The following OXCT1 variants were observed in gnomAD, a reference collection of about 807,000 sequenced individuals.
OXCT1 encodes the protein 3-oxoacid CoA-transferase 1, also known as succinyl-CoA:3-ketoacid coenzyme A transferase 1, mitochondrial.
OXCT1 carries 27 observed loss-of-function variants against 69.6 expected under a neutral mutation model. The ratio of observed to expected loss-of-function variants is 0.39; its 90% CI spans 0.29 to 0.54. The LOEUF (loss-of-function observed/expected upper bound fraction) is 0.54. OXCT1 is among the 20% of genes least tolerant of loss of function. The pLI, the probability that OXCT1 is intolerant of heterozygous loss-of-function variation, is 0.72. For synonymous variants in OXCT1, 202 were observed against 217.8 expected, an observed-to-expected ratio of 0.93 and a Z score of 0.64; for missense variants, 437 against 650.2, an observed-to-expected ratio of 0.67 and a Z score of 3.57.
intron 8 of OXCT1, among the ~76,000 whole-genome samples, chr5:41,806,609 T>C (rs1357141305): frequency 6.6e-6 from 1 of 152,080 alleles, no homozygotes; most frequent in Non-Finnish European, 1.5e-5. Context: ...TAAAGGAGCC[T>C]GGCACCTTCT....
intron 2 of OXCT1, among the ~76,000 whole-genome samples, chr5:41,861,628 A>G (rs1175959962): frequency 6.6e-6 from 1 of 152,182 alleles, no homozygotes; most frequent in Non-Finnish European, 1.5e-5. Flanking sequence ...TTTGAACCAC[A>G]AGTATAAGCC....
chr5:41,852,423 C>T (rs552793355), intron 4 of OXCT1, among the ~76,000 whole-genome samples: 1 of 152,146 alleles, frequency 6.6e-6, no homozygotes, highest in Non-Finnish European at 1.5e-5. Flanking sequence ...TTGGCAAAGT[C>T]AGTAGCAATA....
chr5:41,756,055 TA>T (rs1217041086), intron 14 of OXCT1, among the ~76,000 whole-genome samples: 1 of 152,068 alleles, frequency 6.6e-6, no homozygotes, highest in Admixed American at 6.6e-5. Context: ...TAATCCAAAT[TA>T]AAAAACACAA....
intron 7 of OXCT1, among the ~76,000 whole-genome samples, chr5:41,835,560 G>A (rs1292843332): frequency 6.6e-6 from 1 of 152,238 alleles, no homozygotes; most frequent in South Asian, 2.1e-4. Flanking sequence ...AAATATTTGT[G>A]TGCACCAAAT....
chr5:41,826,661 A>G (rs1747821377), intron 7 of OXCT1, among the ~76,000 whole-genome samples: 1 of 152,142 alleles, frequency 6.6e-6, no homozygotes, highest in Non-Finnish European at 1.5e-5. Context: ...AAAAAAGATA[A>G]GCCTCCTCAG....
intron 14 of OXCT1, among the ~76,000 whole-genome samples, chr5:41,749,943 T>C (rs1743684230): frequency 1.3e-5 from 2 of 152,162 alleles, no homozygotes; most frequent in African/African-American, 4.8e-5. Context: ...AGGAATGGTC[T>C]CCTTTAAAAA....
At chr5:41,797,843 G>A (rs370220271) in intron 11 of OXCT1, among the ~76,000 whole-genome samples, 3 of 152,334 alleles carry the variant, frequency 2.0e-5, no homozygotes, top group African/African-American at 4.8e-5. Context: ...CATTTCCAGT[G>A]ATGCTGACGC....
chr5:41,742,691 T>C lies in OXCT1; in HGVS notation c.1420-3200A>G, dbSNP rs554597628. Among the ~76,000 whole-genome samples, 71 of 151,942 alleles carry C rather than the reference T, an allele frequency of 4.7e-4. 1 individual carries two copies. In the East Asian group the frequency reaches 8.7e-3, roughly 19 times the overall value. The stretch of plus-strand genomic sequence containing the variant: ...TGTTCCCCACCCTGTGTCCAAGTGT[T>C]CTCATTGTTCAATTCTCACCTATGA... On this transcript the variant is annotated intron_variant, in intron 15 of 16. Transcript: ENST00000196371.
At chr5:41,790,652 A>G (rs1307973885) in intron 13 of OXCT1, among the ~76,000 whole-genome samples, 1 of 152,222 alleles carries the variant, frequency 6.6e-6, no homozygotes, top group Non-Finnish European at 1.5e-5. Flanking sequence ...TAAACTCAGG[A>G]AAAAGATAAA....
chr5:41,794,605 G>A (rs2112230704), intron 12 of OXCT1, 72 bp downstream of exon 12: 10 of 1,372,328 alleles, frequency 7.3e-6, no homozygotes, highest in East Asian at 2.3e-5. Flanking sequence ...TCAGAGCCTT[G>A]CTAACACACT....
chr5:41,817,207 T>C (rs1747289886), intron 7 of OXCT1, among the ~76,000 whole-genome samples: 1 of 152,100 alleles, frequency 6.6e-6, no homozygotes, highest in Non-Finnish European at 1.5e-5. Flanking sequence ...TCTAATGCCA[T>C]GTATTTCACT....
intron 8 of OXCT1, 98 bp from the exon 9 acceptor site, chr5:41,805,779 TC>T: frequency 1.3e-6 from 1 of 798,126 alleles, no homozygotes; most frequent in South Asian, 1.4e-5. Context: ...ATGAGCTCTC[TC>T]CCATTGTTAT....
intron 7 of OXCT1, among the ~76,000 whole-genome samples, chr5:41,837,927 A>AATTTAAAATAATG (rs1748447669): frequency 6.6e-6 from 1 of 152,208 alleles, no homozygotes; most frequent in Non-Finnish European, 1.5e-5. Flanking sequence ...CTATTGTGAG[A>AATTTAAAATAATG]ATTTAAAATA....
chr5:41,754,932 G>C (rs1743984955), intron 14 of OXCT1, among the ~76,000 whole-genome samples: 1 of 152,050 alleles, frequency 6.6e-6, no homozygotes, highest in Admixed American at 6.6e-5. Context: ...TCTTAGAATA[G>C]AAGGCCCCTT....
At chr5:41,776,202 T>G (rs1366450325) in intron 13 of OXCT1, among the ~76,000 whole-genome samples, 2 of 152,156 alleles carry the variant, frequency 1.3e-5, no homozygotes, top group Non-Finnish European at 2.9e-5. Flanking sequence ...ACATTCTATA[T>G]GACATCCAGT....
At chr5:41,761,535 A>C (rs911836739) in intron 14 of OXCT1, among the ~76,000 whole-genome samples, 18 of 152,172 alleles carry the variant, frequency 1.2e-4, no homozygotes, top group Admixed American at 4.6e-4. Context: ...GGTCACTGCC[A>C]CATCCTAGCA....
chr5:41,770,498 A>T (rs1744828049), intron 13 of OXCT1, among the ~76,000 whole-genome samples: 1 of 152,160 alleles, frequency 6.6e-6, no homozygotes, highest in Non-Finnish European at 1.5e-5. Context: ...CATTTATAAG[A>T]CACCCAAGGA....
chr5:41,798,494 G>C (rs1746281503), intron 11 of OXCT1, among the ~76,000 whole-genome samples: 3 of 152,044 alleles, frequency 2.0e-5, no homozygotes, highest in African/African-American at 7.2e-5. Flanking sequence ...CCCCAGGTGT[G>C]ACAATCAAAA....
chr5:41,750,965 T>C (rs928147143), intron 14 of OXCT1, among the ~76,000 whole-genome samples: 2 of 152,152 alleles, frequency 1.3e-5, no homozygotes, highest in Non-Finnish European at 2.9e-5. Flanking sequence ...GCTAAATACA[T>C]ATGAAGTAAG....
Sources: gnomAD v4.1 joint callset for allele counts (sites outside exome capture counted in the v4.1 genomes callset) on GRCh38, gnomAD v4.1.1 for gene constraint, MANE v1.5 for transcripts, NCBI Gene and HGNC (gene_info 2026-07-23, HGNC 2026-07-21) for gene names.